Variants in SMC1A observed in about 807,000 individuals in gnomAD.
SMC1A encodes the protein structural maintenance of chromosomes protein 1A.
A neutral mutation model predicts 94.5 loss-of-function variants in SMC1A; 4 were observed. The ratio of observed to expected loss-of-function variants is 0.04; its 90% CI spans 0.02 to 0.10. The LOEUF (loss-of-function observed/expected upper bound fraction) is 0.10, where lower values mean the gene tolerates loss of function less well. Ranked by LOEUF, SMC1A falls within the 10% of genes least tolerant of loss-of-function variation. SMC1A has a pLI of 1.00. For synonymous variants in SMC1A, 345 were observed against 347.7 expected (o/e 0.99, Z 0.09); for missense variants, 304 against 989.0 (o/e 0.31, Z 9.29).
At chrX:53,419,202 G>A (rs782653971) in intron 1 of SMC1A, among the ~76,000 whole-genome samples, 5 of 110,091 alleles carry the variant, frequency 4.5e-5, no homozygotes, top group African/African-American at 6.6e-5. Context: ...CATAAAAACA[G>A]CAGCCCAAGT....
intron 19 of SMC1A, among the ~76,000 whole-genome samples, chrX:53,384,610 G>A (rs1278705667): frequency 5.4e-5 from 6 of 110,880 alleles, no homozygotes; most frequent in African/African-American, 2.0e-4. Context: ...AAAATAGCCA[G>A]GGGAGGTTGC....
At chrX:53,413,502 A>G in intron 3 of SMC1A, 67 bp from the exon 4 acceptor site, 1 of 1,009,092 alleles carries the variant, frequency 9.9e-7, no homozygotes. Context: ...ACCCATTTCC[A>G]CTCCTTCACC....
At position 53,413,144 on chromosome X, in the gene SMC1A, CA is replaced by C. The variant is rs1312306004; in HGVS notation, c.616-7del. On this transcript the variant is annotated splice_polypyrimidine_tract_variant and splice_region_variant and intron_variant, in intron 4 of 24. Coordinates refer to ENST00000322213, the MANE Select transcript of SMC1A (RefSeq NM_006306.4). ...AGGCGCTGGTACCGGTCAGCCTGTG[CA>C]AACAGGGGAATGGTGGCAGGGGTGC... The C allele has an allele frequency of 8.3e-7, 1 of 1,209,957 alleles. No homozygotes were observed. The highest frequency in any genetic ancestry group is 1.7e-5 in the African/African-American group (1 of 57,149).
chrX:53,387,149 C>A (rs782085898), intron 19 of SMC1A, among the ~76,000 whole-genome samples: 1 of 111,379 alleles, frequency 9.0e-6, no homozygotes, highest in African/African-American at 3.3e-5. Flanking sequence ...GCGCCTGCCA[C>A]CACGCCCGGC....
At chrX:53,382,030 T>C (rs1259304441) in intron 22 of SMC1A, 1 of 476,116 alleles carries the variant, frequency 2.1e-6, no homozygotes, top group African/African-American at 2.4e-5. Flanking sequence ...GGTGAGGACA[T>C]GCTGAGCAGA....
rs186510389 is a variant in SMC1A, at chrX:53,396,480, G to A, written c.2700C>T (p.Gly900=). ...EMEEIRKKLG[G]ANKEMTHLQK... is the part of the protein sequence containing the mutation. ...GGCCTGAACCCACTCACTTGTTGGC[G>A]CCCCCGAGTTTCTTACGAATCTCCT... Residue 900 remains glycine (G), a synonymous_variant, in exon 17 of 25, where the codon GGC becomes GGT. Coordinates refer to ENST00000322213, the MANE Select transcript of SMC1A (RefSeq NM_006306.4). 19 of 1,208,345 alleles carry A rather than the reference G, an allele frequency of 1.6e-5. No individual in the cohort carries two copies. The highest frequency in any genetic ancestry group is 3.0e-5 in the East Asian group (1 of 33,715).
At chrX:53,392,146 T>C (rs782232398) in intron 19 of SMC1A, among the ~76,000 whole-genome samples, 11 of 111,036 alleles carry the variant, frequency 9.9e-5, no homozygotes, top group Non-Finnish European at 1.9e-4. Flanking sequence ...ATCCCAGCAC[T>C]TTGGGAGGCT....
At chrX:53,399,898 C>T (rs144304113) in intron 15 of SMC1A, among the ~76,000 whole-genome samples, 168 bp from the exon 16 acceptor site, 38 of 111,367 alleles carry the variant, frequency 3.4e-4, no homozygotes, top group Non-Finnish European at 4.5e-4. Context: ...GCACATAAAA[C>T]GGTCCCCTGA....
At position 53,377,574 on chromosome X, in the gene SMC1A, A is replaced by T. The variant is rs2075564653; in HGVS notation, c.*2529T>A. On this transcript the variant is annotated 3_prime_UTR_variant, in exon 25 of 25. Coordinates refer to ENST00000322213, the MANE Select transcript of SMC1A (RefSeq NM_006306.4). ...TTACAAACGATTCTGATGCGCAGCC[A>T]AGGTTGATAACCACCTGTACAGTGG... 1 of 112,134 alleles carries T rather than the reference A, an allele frequency of 8.9e-6. No individual in the cohort carries two copies. Among genetic ancestry groups the T allele is most frequent in the Non-Finnish European group, 1.9e-5 (1 of 53,264 alleles). 9.2% of individuals were successfully genotyped at this position (112,134 alleles called of 1,213,427 possible). A position where few individuals can be genotyped will look rare whatever the true frequency, so the allele number is the denominator to read the frequency against.
chrX:53,397,112 A>G (rs1375565995), intron 16 of SMC1A, among the ~76,000 whole-genome samples: 1 of 110,465 alleles, frequency 9.1e-6, no homozygotes, highest in Non-Finnish European at 1.9e-5. Flanking sequence ...TTCTATGAAT[A>G]CACATATGTA....
intron 1 of SMC1A, among the ~76,000 whole-genome samples, chrX:53,420,647 C>T (rs1238053397): frequency 1.8e-5 from 2 of 111,968 alleles, no homozygotes; most frequent in Non-Finnish European, 3.8e-5. Flanking sequence ...AGCTGTCTCC[C>T]TCATCACAGC....
chrX:53,394,152 CAAAA>C (rs55878070), intron 19 of SMC1A, among the ~76,000 whole-genome samples: 2 of 42,758 alleles, frequency 4.7e-5, no homozygotes. Context: ...AACTCCGTCT[CAAAA>C]AAAAAAAAAA....
In SMC1A at chrX:53,403,767, C is replaced by T; in HGVS notation, c.2313+10G>A. The T allele has an allele frequency of 1.7e-6, 2 of 1,191,728 alleles. No homozygotes were observed. The highest frequency in any genetic ancestry group is 2.3e-6 in the Non-Finnish European group (2 of 877,778). ...GACACACACGCTGGCATGGCCCACA[C>T]CCTACCAACCTGGTTCATCTTCTCC... On this transcript the variant is annotated intron_variant, in intron 14 of 24. Transcript: ENST00000322213.
rs1387092575 is a variant in SMC1A, at chrX:53,413,921, AC to A, written c.412-487del. ...GTAAAACTCCATCTCTACCCAAAAT[AC>A]AAAAATTAGCCAGGCATGGCGGCGG... On this transcript the variant is annotated intron_variant, in intron 3 of 24. Coordinates refer to ENST00000322213, the MANE Select transcript of SMC1A (RefSeq NM_006306.4). Among the ~76,000 whole-genome samples, 238 of 110,559 alleles carry A rather than the reference AC, an allele frequency of 2.2e-3. 1 individual carries two copies. The highest frequency in any genetic ancestry group is 7.4e-3 in the African/African-American group (224 of 30,432).
chrX:53,392,131 C>G (rs1474680310), intron 19 of SMC1A, among the ~76,000 whole-genome samples: 2 of 111,265 alleles, frequency 1.8e-5, no homozygotes, highest in African/African-American at 6.5e-5. Flanking sequence ...TGGCTCACGC[C>G]TGTAATCCCA....
At chrX:53,418,970 G>C (rs1330034186) in intron 1 of SMC1A, among the ~76,000 whole-genome samples, 1 of 104,545 alleles carries the variant, frequency 9.6e-6, no homozygotes, top group Non-Finnish European at 2.0e-5. Context: ...AAACCCAGGA[G>C]GTGGAGGTTA....
chrX:53,402,885 A>AAAAAAAAAAAAAAAAAAAAG (rs1447321369), intron 15 of SMC1A, among the ~76,000 whole-genome samples: 1 of 86,961 alleles, frequency 1.1e-5, no homozygotes, highest in African/African-American at 4.5e-5. Context: ...AAAAAAAAAA[A>AAAAAAAAAAAAAAAAAAAAG]GGGCCGGCAA....
intron 1 of SMC1A, among the ~76,000 whole-genome samples, chrX:53,416,785 A>G (rs782169295): frequency 8.1e-5 from 9 of 111,148 alleles, no homozygotes; most frequent in Non-Finnish European, 5.7e-5. Context: ...ATTTAACACT[A>G]CTGAACTGCA....
chrX:53,380,569 T>C (rs782264546), intron 24 of SMC1A, 51 bp downstream of exon 24: 1 of 834,487 alleles, frequency 1.2e-6, no homozygotes, highest in African/African-American at 2.0e-5. Context: ...TTTCCTGCCC[T>C]GGGAAATCAG....
Sources: gnomAD v4.1 joint callset for allele counts (sites outside exome capture counted in the v4.1 genomes callset) on GRCh38, gnomAD v4.1.1 for gene constraint, MANE v1.5 for transcripts, NCBI Gene and HGNC (gene_info 2026-07-23, HGNC 2026-07-21) for gene names.